The following GPR161 variants were observed in gnomAD, a reference collection of about 807,000 sequenced individuals.
GPR161 encodes the protein G protein-coupled receptor 161, also known as G-protein coupled receptor RE2.
In GPR161, 25 loss-of-function variants were observed where a neutral mutation model predicts 39.2. The observed-to-expected ratio is 0.64, with a 90% CI of 0.47 to 0.89. GPR161 has a LOEUF of 0.89. Ranked by LOEUF, GPR161 falls within the 40% of genes least tolerant of loss-of-function variation. The pLI is 0.00. For missense variants in GPR161, 547 were observed against 677.8 expected, an observed-to-expected ratio of 0.81 and a Z score of 2.14; for synonymous variants, 286 against 276.6, an observed-to-expected ratio of 1.03 and a Z score of -0.34.
At chr1:168,137,030 C>A, upstream of GPR161, 1 of 830,914 alleles carries the variant, frequency 1.2e-6, no homozygotes, top group Non-Finnish European at 1.4e-6. Context: ...CCGCACTGCC[C>A]CGCCCCGCCC....
chr1:168,136,357 G>C (rs1240788177), intron 1 of GPR161: 1 of 1,470,712 alleles, frequency 6.8e-7, no homozygotes, highest in Non-Finnish European at 9.0e-7. Flanking sequence ...GGCGCGGCCC[G>C]CATCGGCAGA....
At position 168,104,612 on chromosome 1, in the gene GPR161, A is replaced by G. The variant is rs763822649; in HGVS notation, c.239T>C (p.Val80Ala). 10 of 1,614,114 alleles carry G rather than the reference A, an allele frequency of 6.2e-6. No homozygotes were observed. ...TLSNFLLSVL[V>A]LPFVVTSSIR... ...GGAGCTCGTCACCACAAAAGGCAGC[A>G]CCAACACGGACAGCAGGAAGTTGGA... Residue 80 changes from valine to alanine, a missense_variant, in exon 2 of 6, where the codon GTG (valine) becomes GCG (alanine). Val to Ala is a moderately conservative substitution (Grantham distance 64). Transcript: ENST00000682931.
Position 168,104,590 on chromosome 1 carries a change from G to A in GPR161, c.261C>T (p.Ser87=). 1 of 1,613,422 alleles carries A rather than the reference G, an allele frequency of 6.2e-7. No homozygotes were observed. Among genetic ancestry groups the A allele is most frequent in the East Asian group, 2.2e-5 (1 of 44,878 alleles). ...SVLVLPFVVT[S]SIRREWIFGV... is the part of the protein sequence containing the mutation. Reference sequence around the variant, plus strand: ...CAAAGATCCATTCCCTGCGGATGGAGCTCGTCACCACAAAAGGCAGCACCA... The same window carrying A: ...CAAAGATCCATTCCCTGCGGATGGAACTCGTCACCACAAAAGGCAGCACCA... The change falls in exon 2 of 6, where the codon AGC becomes AGT. Residue 87 remains serine (S), a synonymous_variant. Coordinates refer to ENST00000682931, the MANE Select transcript of GPR161 (RefSeq NM_001375883.1).
intron 4 of GPR161, 83 bp downstream of exon 4, chr1:168,090,481 C>T (rs1694948122): frequency 1.4e-6 from 1 of 740,006 alleles, no homozygotes; most frequent in South Asian, 1.8e-5. Flanking sequence ...GCTCTTGAGC[C>T]TGCACAGGGG....
At chr1:168,120,092 T>G (rs1404486369) in intron 1 of GPR161, among the ~76,000 whole-genome samples, 2 of 152,154 alleles carry the variant, frequency 1.3e-5, no homozygotes, top group African/African-American at 4.8e-5. Flanking sequence ...ATAGATCCAC[T>G]GACAACTTGC....
rs756929981 is a variant in GPR161, at chr1:168,104,938, A to T, written c.-44-44T>A. 1.3e-4 allele frequency: 185 copies of T among 1,466,588 alleles called. 1 individual carries two copies. The highest frequency in any genetic ancestry group is 1.6e-4 in the Non-Finnish European group (166 of 1,070,172). 90.8% of individuals were successfully genotyped at this position (1,466,588 alleles called of 1,614,324 possible). ...ACCAGGGGACAGGAAAAGATTCATC[A>T]AATCACATCGTCTCCACCTTAGGGA... On this transcript the variant is annotated intron_variant, in intron 1 of 5. Coordinates refer to ENST00000682931, the MANE Select transcript of GPR161 (RefSeq NM_001375883.1).
rs150605141 is a variant in GPR161 at position 168,081,684 on chromosome 1, C to G, written c.*3847G>C. 16 of 152,370 alleles carry G rather than the reference C, an allele frequency of 1.1e-4. No individual in the cohort carries two copies. Among genetic ancestry groups the G allele is most frequent in the African/African-American group, 3.1e-4 (13 of 41,574 alleles). The allele number at this position is 152,370 out of a possible 1,614,324, so 9.4% of individuals were successfully genotyped here. A position where few individuals can be genotyped will look rare whatever the true frequency, so the allele number is the denominator to read the frequency against. On this transcript the variant is annotated 3_prime_UTR_variant, in exon 6 of 6. Transcript: ENST00000682931. ...GGAAGCACGGGATCTGAACTCATGA[C>G]TTAACCATACCCACGTCTTCACCAT...
chr1:168,104,408 A>G (rs975821624), intron 2 of GPR161, 69 bp downstream of exon 2: 1 of 1,330,080 alleles, frequency 7.5e-7, no homozygotes, highest in Non-Finnish European at 1.1e-6. Flanking sequence ...TAAGGCAGTC[A>G]GAGGGACACT....
chr1:168,087,734 A>G, intron 4 of GPR161, 30 bp from the exon 5 acceptor site: 2 of 1,584,964 alleles, frequency 1.3e-6, no homozygotes, highest in Non-Finnish European at 1.7e-6. Flanking sequence ...GTGCATATGT[A>G]ACTACAATCT....
At chr1:168,092,262 C>A (rs1250672245) in intron 3 of GPR161, among the ~76,000 whole-genome samples, 2 of 152,320 alleles carry the variant, frequency 1.3e-5, no homozygotes, top group African/African-American at 4.8e-5. Flanking sequence ...GGGAGCAGAG[C>A]CTGTGGGGGC....
intron 1 of GPR161, chr1:168,136,493 G>A (rs1165110952): frequency 4.0e-6 from 5 of 1,260,682 alleles, no homozygotes; most frequent in Non-Finnish European, 5.0e-6. Flanking sequence ...CCAGGCCGCA[G>A]GGGAGGGGCG....
At chr1:168,104,927 A>C (rs777515361) in intron 1 of GPR161, 33 bp from the exon 2 acceptor site, 1 of 1,540,062 alleles carries the variant, frequency 6.5e-7, no homozygotes, top group Non-Finnish European at 8.9e-7. Flanking sequence ...GGGGACAGGA[A>C]AAGATTCATC....
rs1034850157 is a variant in GPR161 at position 168,085,202 on chromosome 1, C to T, written c.*329G>A. ...TGTGGGGGTCTCCTTCCAAGCCCTT[C>T]GTCTCTGGTCCTCCCATGCCCCACC... On this transcript the variant is annotated 3_prime_UTR_variant, in exon 6 of 6. Transcript: ENST00000682931. 11 of 447,622 alleles carry T rather than the reference C, an allele frequency of 2.5e-5. No homozygotes were observed. The highest frequency in any genetic ancestry group is 6.3e-5 in the Admixed American group (2 of 31,746). The allele number at this position is 447,622 out of a possible 1,614,324, so 27.7% of individuals were successfully genotyped here.
chr1:168,128,592 A>T (rs1298002173), intron 1 of GPR161, among the ~76,000 whole-genome samples: 2 of 152,208 alleles, frequency 1.3e-5, no homozygotes, highest in Non-Finnish European at 2.9e-5. Context: ...CCCTTCCATA[A>T]CATACACATG....
chr1:168,090,487 A>G lies in GPR161; in HGVS notation c.1204+77T>C, dbSNP rs1268465556. 2.0e-5 allele frequency: 16 copies of G among 795,722 alleles called. 1 individual carries two copies. The Admixed American group carries it at 3.0e-4, about 15-fold the overall frequency. 49.3% of individuals were successfully genotyped at this position (795,722 alleles called of 1,614,324 possible). ...CCTCCGCCAGCTCTTGAGCCTGCAC[A>G]GGGGAAACGCGACACGGGGGAAACG... On this transcript the variant is annotated intron_variant, in intron 4 of 5. Transcript: ENST00000682931.
At chr1:168,097,915 C>A (rs16860061) in intron 2 of GPR161, among the ~76,000 whole-genome samples, 5 of 152,132 alleles carry the variant, frequency 3.3e-5, no homozygotes, top group Admixed American at 1.3e-4. Flanking sequence ...GAAAGCCAGG[C>A]GATCTGACTC....
Position 168,104,846 on chromosome 1 carries a change from C to A in GPR161, c.5G>T (p.Ser2Ile). Reference protein sequence around the residue: MSLNSSLSCRKE... With the variant: MILNSSLSCRKE... ...CCTGCAGCTGAGGGAGGAGTTGAGG[C>A]TCATGGTCAGTGCACCTCGGCGTGG... The change falls in exon 2 of 6, where the codon AGC becomes ATC. Residue 2 changes from serine to isoleucine, a missense_variant. Physicochemically the swap from Ser to Ile is moderately radical, Grantham distance 142. Coordinates refer to ENST00000682931, the MANE Select transcript of GPR161 (RefSeq NM_001375883.1). 1 of 1,613,758 alleles carries A rather than the reference C, an allele frequency of 6.2e-7. No homozygotes were observed. The highest frequency in any genetic ancestry group is 8.5e-7 in the Non-Finnish European group (1 of 1,179,838).
chr1:168,097,372 A>G (rs867562605), intron 2 of GPR161, 140 bp from the exon 3 acceptor site: 3 of 785,814 alleles, frequency 3.8e-6, no homozygotes, highest in Middle Eastern at 3.8e-4. Flanking sequence ...CAGACAAGTT[A>G]TATAGACTGC....
rs1300862759 is a variant in GPR161, at chr1:168,085,663, C to A, written c.1458G>T (p.Gly486=). The A allele has an allele frequency of 1.2e-6, 2 of 1,614,252 alleles. No individual in the cohort carries two copies. The highest frequency in any genetic ancestry group is 1.7e-6 in the Non-Finnish European group (2 of 1,180,050). Residue 486 remains glycine, a synonymous_variant, in exon 6 of 6, where the codon GGG becomes GGT. Coordinates refer to ENST00000682931, the MANE Select transcript of GPR161 (RefSeq NM_001375883.1). ...GGACAGTCCGTGCTGTAACCAAGAC[C>A]CCTGGCAAAGCCTCCTCCCCAAATA... is the stretch of plus-strand genomic sequence containing the variant. ...INLFGEEALP[G]VLVTARTVPG... is the part of the protein sequence containing the mutation.
Sources: allele counts gnomAD v4.1 joint callset (sites outside exome capture counted in the v4.1 genomes callset), GRCh38; gene constraint gnomAD v4.1.1; transcripts MANE v1.5; gene names NCBI Gene and HGNC (gene_info 2026-07-23, HGNC 2026-07-21).